The following HELQ variants were observed in gnomAD, a reference collection of about 807,000 sequenced individuals.
The protein encoded by HELQ is helicase, POLQ like.
Under a neutral mutation model 111.6 loss-of-function variants are expected in HELQ, and 77 were observed. That is an observed-to-expected ratio of 0.69 (90% CI 0.57 to 0.83). HELQ has a LOEUF of 0.83. HELQ is among the 40% of genes least tolerant of loss of function. The probability of loss-of-function intolerance (pLI) is 0.00; values close to 1 mark genes in which losing one functional copy is unlikely to be tolerated. For synonymous variants in HELQ, 438 were observed against 454.7 expected, an observed-to-expected ratio of 0.96 and a Z score of 0.47; for missense variants, 1,200 against 1,288.5, an observed-to-expected ratio of 0.93 and a Z score of 1.05.
intron 17 of HELQ, among the ~76,000 whole-genome samples, chr4:83,414,111 T>C (rs1057318448): frequency 3.9e-5 from 6 of 152,240 alleles, no homozygotes; most frequent in African/African-American, 1.4e-4. Context: ...TATGAGCTCA[T>C]GGCCTTCAGT....
intron 15 of HELQ, 38 bp downstream of exon 15, chr4:83,421,525 G>A (rs928394182): frequency 2.0e-6 from 3 of 1,505,140 alleles, no homozygotes; most frequent in Non-Finnish European, 2.7e-6. Context: ...AAAACCAGAA[G>A]ATGCACAAAG....
At chr4:83,443,766 C>T (rs1414395573) in intron 5 of HELQ, 152 bp from the exon 6 acceptor site, 19 of 508,956 alleles carry the variant, frequency 3.7e-5, no homozygotes, top group Non-Finnish European at 6.7e-5. Flanking sequence ...ATACAAATAG[C>T]TGGGTGCCTG....
intron 12 of HELQ, among the ~76,000 whole-genome samples, chr4:83,429,240 A>G (rs1471825877): frequency 1.3e-5 from 2 of 152,122 alleles, no homozygotes; most frequent in Non-Finnish European, 2.9e-5. Context: ...TCTGCCTCCC[A>G]GGTTCAAACA....
intron 2 of HELQ, among the ~76,000 whole-genome samples, chr4:83,452,149 A>C (rs960401681): frequency 7.2e-5 from 11 of 152,242 alleles, no homozygotes; most frequent in African/African-American, 2.7e-4. Context: ...TGCACTTAAA[A>C]CAAGTTTGTC....
At chr4:83,450,333 G>C (rs1380675836) in intron 2 of HELQ, among the ~76,000 whole-genome samples, 2 of 138,534 alleles carry the variant, frequency 1.4e-5, no homozygotes, top group African/African-American at 5.3e-5. Flanking sequence ...GATCACTTGA[G>C]ACCAGGATTT....
intron 17 of HELQ, 46 bp downstream of exon 17, chr4:83,416,685 A>G (rs1336632584): frequency 5.0e-6 from 8 of 1,585,450 alleles, no homozygotes; most frequent in Non-Finnish European, 6.9e-6. Flanking sequence ...CAAGGAAATA[A>G]CACTACGCAA....
chr4:83,436,552 G>A (rs895698448), intron 9 of HELQ, among the ~76,000 whole-genome samples: 15 of 152,246 alleles, frequency 9.9e-5, no homozygotes, highest in Admixed American at 2.6e-4. Flanking sequence ...CATAAAAAAG[G>A]TAAAACACTT....
Position 83,436,961 on chromosome 4 carries a change from T to G in HELQ, c.1945A>C (p.Ser649Arg), listed in dbSNP as rs374461819. The G allele has an allele frequency of 1.2e-6, 2 of 1,614,086 alleles. No homozygotes were observed. The highest frequency in any genetic ancestry group is 1.3e-5 in the African/African-American group (1 of 74,946). Residue 649 changes from serine to arginine, a missense_variant, in exon 9 of 18, where the codon AGT becomes CGT. By Grantham distance (110) the Ser-to-Arg change is moderately radical. Transcript: ENST00000295488. ...TCCTCCAAGAGTTTCCTTTCATCACTTGTTAAGCCACTGTGGTGATAGGCA... is the reference window on the plus strand; with the variant it reads ...TCCTCCAAGAGTTTCCTTTCATCACGTGTTAAGCCACTGTGGTGATAGGCA... The part of the protein sequence containing the change: ...GVAYHHSGLT[S>R]DERKLLEEAY...
intron 17 of HELQ, among the ~76,000 whole-genome samples, chr4:83,415,487 G>A (rs773219250): frequency 8.5e-5 from 13 of 152,140 alleles, no homozygotes; most frequent in Non-Finnish European, 1.3e-4. Flanking sequence ...AATTTTTGAT[G>A]ATGCAGGCTC....
Position 83,441,330 on chromosome 4 carries a change from G to C in HELQ, c.1637C>G (p.Thr546Ser). ...EVDSKAENGM[T>S]FSRLLNYKYS... ...CTTATAATTAAGAAGACGTGAAAAA[G>C]TCATGCCATTCTCAGCTTTGCTGTC... Residue 546 changes from threonine to serine, a missense_variant, in exon 7 of 18, where the codon ACT becomes AGT. This residue lies in a region of HELQ where 585 missense variants were observed against 665.3 expected (regional missense o/e 0.88). Transcript: ENST00000295488. The C allele has an allele frequency of 6.3e-7, 1 of 1,590,150 alleles. No homozygotes were observed. The highest frequency in any genetic ancestry group is 8.6e-7 in the Non-Finnish European group (1 of 1,161,436).
At position 83,448,905 on chromosome 4, in the gene HELQ, A is replaced by G; in HGVS notation, c.1069T>C (p.Tyr357His). Reference sequence around the variant, plus strand: ...TTTCCACCACTTGTTGGCAAGGAATATATTAAATTTTTTCTTTCTTGCACA... The same window carrying G: ...TTTCCACCACTTGTTGGCAAGGAATGTATTAAATTTTTTCTTTCTTGCACA... ...NSVQERKNLI[Y>H]SLPTSGGKTL... Residue 357 changes from tyrosine (Y) to histidine (H), a missense_variant, in exon 3 of 18, where the codon TAT becomes CAT. Physicochemically the swap from Tyr to His is moderately conservative, Grantham distance 83 (BLOSUM62 2). Transcript: ENST00000295488. The G allele has an allele frequency of 6.2e-7, 1 of 1,612,586 alleles. No homozygotes were observed.
In HELQ at chr4:83,450,508, T is replaced by A. The variant is rs373655835; in HGVS notation, c.1013-1547A>T. ...AAAAATACTTAAATTTAATATTCAATAAATATTGAAAAATACTTCAGATTG... is the reference window on the plus strand; with the variant it reads ...AAAAATACTTAAATTTAATATTCAAAAAATATTGAAAAATACTTCAGATTG... On this transcript the variant is annotated intron_variant, in intron 2 of 17. Coordinates refer to ENST00000295488, the MANE Select transcript of HELQ (RefSeq NM_133636.5). Among the ~76,000 whole-genome samples the A allele has an allele frequency of 4.6e-5, 7 of 152,128 alleles. No individual in the cohort carries two copies. In the East Asian group the frequency reaches 1.3e-3, roughly 29 times the overall value.
chr4:83,434,588 G>C (rs563689742), intron 9 of HELQ, among the ~76,000 whole-genome samples: 1 of 151,448 alleles, frequency 6.6e-6, no homozygotes, highest in Non-Finnish European at 1.5e-5. Context: ...TCAGCCTCTC[G>C]AGCAGCTGGG....
At chr4:83,435,449 A>G (rs1283830152) in intron 9 of HELQ, among the ~76,000 whole-genome samples, 1 of 152,180 alleles carries the variant, frequency 6.6e-6, no homozygotes, top group Non-Finnish European at 1.5e-5. Flanking sequence ...TGAATCTAGA[A>G]TTCTTTTGCT....
chr4:83,448,188 C>A (rs547798497), intron 3 of HELQ, among the ~76,000 whole-genome samples: 2 of 149,434 alleles, frequency 1.3e-5, no homozygotes, highest in Non-Finnish European at 3.0e-5. Flanking sequence ...CCAGCCTGGG[C>A]GACAGAGGGA....
At chr4:83,442,748 C>T (rs949346492) in intron 6 of HELQ, among the ~76,000 whole-genome samples, 4 of 151,994 alleles carry the variant, frequency 2.6e-5, no homozygotes, top group South Asian at 2.1e-4. Context: ...ACAGGGGTCT[C>T]GCCATGTTGC....
intron 17 of HELQ, among the ~76,000 whole-genome samples, chr4:83,409,673 T>C (rs1017410489): frequency 2.6e-5 from 4 of 151,824 alleles, no homozygotes; most frequent in Non-Finnish European, 5.9e-5. Flanking sequence ...CAAACAAAAT[T>C]AAATATTCTC....
At chr4:83,444,123 G>A (rs911057551) in intron 5 of HELQ, among the ~76,000 whole-genome samples, 1 of 152,178 alleles carries the variant, frequency 6.6e-6, no homozygotes, top group African/African-American at 2.4e-5. Flanking sequence ...TATCCTGAAA[G>A]TTACTACTTA....
intron 14 of HELQ, among the ~76,000 whole-genome samples, chr4:83,423,665 C>G (rs771825980): frequency 2.0e-5 from 3 of 152,180 alleles, no homozygotes; most frequent in Non-Finnish European, 2.9e-5. Context: ...AATCCCAGCA[C>G]TTTTGGAGGT....
Sources: gnomAD v4.1 joint callset for allele counts (sites outside exome capture counted in the v4.1 genomes callset) on GRCh38, gnomAD v4.1.1 for gene constraint, gnomAD v4.1.1 regional missense constraint, MANE v1.5 for transcripts, NCBI Gene and HGNC (gene_info 2026-07-23, HGNC 2026-07-21) for gene names.